The following DPH6 variants were observed in gnomAD, a reference collection of about 807,000 sequenced individuals.
The protein encoded by DPH6 is diphthamine biosynthesis 6.
DPH6 carries 33 observed loss-of-function variants against 38.2 expected under a neutral mutation model. The ratio of observed to expected loss-of-function variants is 0.86; its 90% CI spans 0.65 to 1.15. The LOEUF is 1.15. Ranked by LOEUF, DPH6 falls within the 50% of genes most tolerant of loss-of-function variation. The pLI is 0.00. For synonymous variants in DPH6, 108 were observed against 103.0 expected, an observed-to-expected ratio of 1.05 and a Z score of -0.30; for missense variants, 325 against 320.0, an observed-to-expected ratio of 1.02 and a Z score of -0.12.
At chr15:35,525,097 A>G (rs1487565059) in intron 3 of DPH6, among the ~76,000 whole-genome samples, 1 of 152,216 alleles carries the variant, frequency 6.6e-6, no homozygotes, top group Non-Finnish European at 1.5e-5. Context: ...GAGGTTATAA[A>G]CTAACAGGGA....
Position 35,381,640 on chromosome 15 carries a change from G to T in DPH6, c.662+182C>A, listed in dbSNP as rs188367420. Among the ~76,000 whole-genome samples the T allele has an allele frequency of 3.9e-5, 6 of 152,242 alleles. No individual in the cohort carries two copies. In the East Asian group the frequency reaches 1.2e-3, roughly 29 times the overall value. ...GTTTATAGCCTTCTATGAAGGCCTC[G>T]TCTTGTCAGGTATTGATTTAGATAT... On this transcript the variant is annotated intron_variant, in intron 7 of 8. Transcript: ENST00000256538.
chr15:35,241,955 T>TG (rs1796673197), intron 3 of DPH6, among the ~76,000 whole-genome samples: 1 of 144,248 alleles, frequency 6.9e-6, no homozygotes, highest in Non-Finnish European at 1.5e-5. Context: ...CACCCCATGG[T>TG]GCCAAACCCA....
chr15:35,157,628 G>A, the DPH6 span, among the ~76,000 whole-genome samples: 81,556 of 151,654 alleles, frequency 0.54, 24,384 homozygotes, highest in Non-Finnish European at 0.68. Flanking sequence ...TGGTGTTGAG[G>A]CTCCCTCTTG....
chr15:35,354,531 G>T (rs1454243138), intron 3 of DPH6, among the ~76,000 whole-genome samples: 1 of 152,174 alleles, frequency 6.6e-6, no homozygotes, highest in Non-Finnish European at 1.5e-5. Flanking sequence ...TGCATCTATT[G>T]AGATAATCAT....
chr15:35,206,901 C>T, the DPH6 span, among the ~76,000 whole-genome samples: 1 of 151,962 alleles, frequency 6.6e-6, no homozygotes, highest in Non-Finnish European at 1.5e-5. Flanking sequence ...CTCCTTTCCC[C>T]GTTGATTACT....
At position 35,354,371 on chromosome 15, in the gene DPH6, G is replaced by A. The variant is rs573335993; in HGVS notation, n.207+19150C>T. 3.0e-3 allele frequency among the ~76,000 whole-genome samples: 450 copies of A among 152,216 alleles called. 1 individual carries two copies. Among genetic ancestry groups the A allele is most frequent in the African/African-American group, 1.0e-2 (414 of 41,518 alleles). ...CCTGTCTTGTGCCAGTTTTCAAAGG[G>A]AATGCTTCCAGTTTTTGCCCATTCA... is the stretch of plus-strand genomic sequence containing the variant. On this transcript the variant is annotated intron_variant and non_coding_transcript_variant, in intron 3 of 3. Coordinates refer to the DPH6 transcript ENST00000558973.
At chr15:35,520,471 C>T (rs1257755618) in intron 3 of DPH6, 2 of 983,858 alleles carry the variant, frequency 2.0e-6, no homozygotes, top group Non-Finnish European at 2.4e-6. Context: ...ATTTTCTATT[C>T]TCTCACATAA....
intron 3 of DPH6, among the ~76,000 whole-genome samples, chr15:35,516,691 T>C (rs527622906): frequency 6.6e-6 from 1 of 152,276 alleles, no homozygotes; most frequent in East Asian, 1.9e-4. Flanking sequence ...GTGTAACAGA[T>C]TTTCAACCAC....
At position 35,352,719 on chromosome 15, in the gene DPH6, T is replaced by G. The variant is rs1161617532; in HGVS notation, n.207+20802A>C. ...GCTTGGTTCCAAGTCTTTGCTATTG[T>G]GAATAGTGCCACAATAAACATACGT... On this transcript the variant is annotated intron_variant and non_coding_transcript_variant, in intron 3 of 3. Coordinates refer to the DPH6 transcript ENST00000558973. 2.6e-5 allele frequency among the ~76,000 whole-genome samples: 4 copies of G among 152,222 alleles called. No individual in the cohort carries two copies. The East Asian group carries it at 7.7e-4, about 29-fold the overall frequency.
chr15:35,404,442 T>C (rs2053263394), intron 6 of DPH6, among the ~76,000 whole-genome samples: 1 of 152,160 alleles, frequency 6.6e-6, no homozygotes, highest in Non-Finnish European at 1.5e-5. Flanking sequence ...AGATATCTCA[T>C]TGTAGTTTTG....
At chr15:35,514,015 G>A (rs2054812195) in intron 3 of DPH6, among the ~76,000 whole-genome samples, 2 of 151,896 alleles carry the variant, frequency 1.3e-5, no homozygotes, top group Non-Finnish European at 2.9e-5. Flanking sequence ...ATAACAACAT[G>A]GAGTAAAGGG....
intron 6 of DPH6, among the ~76,000 whole-genome samples, chr15:35,404,640 G>T (rs1328814479): frequency 3.3e-5 from 5 of 152,046 alleles, no homozygotes; most frequent in African/African-American, 9.7e-5. Context: ...TTTATCAGAT[G>T]TGTAGTCTGC....
chr15:35,391,246 G>A (rs948378800), intron 6 of DPH6, among the ~76,000 whole-genome samples: 4 of 152,140 alleles, frequency 2.6e-5, no homozygotes, highest in African/African-American at 7.2e-5. Flanking sequence ...GTGTCAGTCC[G>A]CCCCTACTGG....
Position 35,542,470 on chromosome 15 carries a change from T to C in DPH6, c.61A>G (p.Ile21Val), listed in dbSNP as rs1333060648. ...KDSCYNMMQC[I>V]AAGHQIVALA... ...GCAACGATCTGATGCCCAGCAGCAA[T>C]GCACTGCATCATATTATAGCAGCTG... Residue 21 changes from isoleucine (I) to valine (V), a missense_variant, in exon 2 of 9, where the codon ATT (isoleucine) becomes GTT (valine). Physicochemically the swap from Ile to Val is conservative, Grantham distance 29 (BLOSUM62 3). Transcript: ENST00000256538. 7 of 1,582,220 alleles carry C rather than the reference T, an allele frequency of 4.4e-6. No individual in the cohort carries two copies. Among genetic ancestry groups the C allele is most frequent in the South Asian group, 2.3e-5 (2 of 88,702 alleles).
intron 3 of DPH6, among the ~76,000 whole-genome samples, chr15:35,350,552 T>C (rs2044506683): frequency 6.6e-6 from 1 of 152,162 alleles, no homozygotes; most frequent in South Asian, 2.1e-4. Flanking sequence ...CTTTTCTCTT[T>C]TTAAAGGTAG....
At chr15:35,509,584 T>A (rs991244587) in intron 3 of DPH6, among the ~76,000 whole-genome samples, 8 of 152,166 alleles carry the variant, frequency 5.3e-5, no homozygotes, top group Non-Finnish European at 7.4e-5. Context: ...AAACATAAGC[T>A]TTTTAAATGT....
chr15:35,219,929 T>C (rs1369558702), exon 4 of DPH6: 1 of 152,202 alleles, frequency 6.6e-6, no homozygotes, highest in African/African-American at 2.4e-5. Flanking sequence ...TAAATCAAGT[T>C]ACATTTTTTA....
At chr15:35,240,673 G>A (rs1272353582) in intron 3 of DPH6, among the ~76,000 whole-genome samples, 3 of 143,558 alleles carry the variant, frequency 2.1e-5, no homozygotes, top group East Asian at 4.3e-4. Flanking sequence ...ATCAGTTAGC[G>A]TTTAGGCTCT....
chr15:35,296,800 GCTT>G (rs1234414247), intron 3 of DPH6, among the ~76,000 whole-genome samples: 1 of 123,804 alleles, frequency 8.1e-6, no homozygotes. Context: ...TGATGGCCTG[GCTT>G]CTTTTTTTTT....
Sources: allele counts gnomAD v4.1 joint callset (sites outside exome capture counted in the v4.1 genomes callset), GRCh38; gene constraint gnomAD v4.1.1; transcripts MANE v1.5; gene names NCBI Gene and HGNC (gene_info 2026-07-23, HGNC 2026-07-21).